The following PTPRG variants were observed in gnomAD, a reference collection of about 807,000 sequenced individuals.
PTPRG encodes the protein protein tyrosine phosphatase receptor type G.
PTPRG carries 102 observed loss-of-function variants against 165.3 expected under a neutral mutation model. The ratio of observed to expected loss-of-function variants is 0.62; its 90% CI spans 0.53 to 0.73. The LOEUF is 0.73. PTPRG is among the 30% of genes least tolerant of loss of function. The probability of loss-of-function intolerance (pLI) is 0.00; values close to 1 mark genes in which losing one functional copy is unlikely to be tolerated. For synonymous variants in PTPRG, 675 were observed against 669.5 expected, an observed-to-expected ratio of 1.01 and a Z score of -0.13; for missense variants, 1,866 against 1,861.4, an observed-to-expected ratio of 1.00 and a Z score of -0.05.
intron 4 of PTPRG, among the ~76,000 whole-genome samples, chr3:62,075,667 G>A (rs534836932): frequency 2.0e-5 from 3 of 152,248 alleles, no homozygotes; most frequent in Non-Finnish European, 2.9e-5. Context: ...AAGAAATGCC[G>A]TTGTATTCTT....
intron 28 of PTPRG, among the ~76,000 whole-genome samples, chr3:62,291,807 T>C (rs1286243202): frequency 1.3e-5 from 2 of 152,178 alleles, no homozygotes; most frequent in Non-Finnish European, 2.9e-5. Context: ...GATGGAAATT[T>C]ACTACCTTTC....
chr3:61,885,657 C>A (rs2038008504), intron 2 of PTPRG, among the ~76,000 whole-genome samples: 2 of 23,924 alleles, frequency 8.4e-5, no homozygotes, highest in Non-Finnish European at 3.2e-4. Context: ...TCTTTTCCTT[C>A]TCTCCTCTCC....
At chr3:61,970,702 T>A (rs2040363180) in intron 2 of PTPRG, among the ~76,000 whole-genome samples, 1 of 152,156 alleles carries the variant, frequency 6.6e-6, no homozygotes, top group Non-Finnish European at 1.5e-5. Flanking sequence ...CTTAAAAAAA[T>A]TCTAGGATCT....
At chr3:62,101,266 A>G (rs1270322293) in intron 5 of PTPRG, among the ~76,000 whole-genome samples, 1 of 152,206 alleles carries the variant, frequency 6.6e-6, no homozygotes, top group African/African-American at 2.4e-5. Flanking sequence ...TTGCATCACG[A>G]GATGCAGCAA....
At chr3:61,635,341 ATATAT>A (rs1415903594) in intron 1 of PTPRG, among the ~76,000 whole-genome samples, 2 of 148,202 alleles carry the variant, frequency 1.3e-5, no homozygotes, top group Non-Finnish European at 3.0e-5. Flanking sequence ...TAATTTATAT[ATATAT>A]TATATATATA....
At chr3:62,216,141 G>T (rs745361382) in intron 12 of PTPRG, among the ~76,000 whole-genome samples, 1 of 151,746 alleles carries the variant, frequency 6.6e-6, no homozygotes, top group Non-Finnish European at 1.5e-5. Flanking sequence ...TCGCTTGAGC[G>T]TGGGAGGCGG....
chr3:61,802,818 G>C (rs1010268969), intron 2 of PTPRG, among the ~76,000 whole-genome samples: 1 of 152,108 alleles, frequency 6.6e-6, no homozygotes, highest in Non-Finnish European at 1.5e-5. Context: ...TGGGGACTGT[G>C]AGGACCTGGA....
intron 1 of PTPRG, among the ~76,000 whole-genome samples, chr3:61,617,821 T>C (rs1050196092): frequency 2.6e-5 from 4 of 152,250 alleles, no homozygotes; most frequent in Non-Finnish European, 5.9e-5. Flanking sequence ...CTGCCTTCTA[T>C]ATCTTCTTTG....
chr3:61,648,443 A>AT (rs1394055235), intron 1 of PTPRG, among the ~76,000 whole-genome samples: 2 of 152,120 alleles, frequency 1.3e-5, no homozygotes, highest in African/African-American at 2.4e-5. Context: ...CAGGCTACAC[A>AT]TTTTCACCCG....
chr3:61,798,285 C>T (rs1420947749), intron 2 of PTPRG, among the ~76,000 whole-genome samples: 2 of 152,150 alleles, frequency 1.3e-5, no homozygotes, highest in Non-Finnish European at 1.5e-5. Context: ...AAAATACCAA[C>T]TCAGCATGTT....
intron 2 of PTPRG, among the ~76,000 whole-genome samples, chr3:61,951,361 A>G (rs1184035770): frequency 6.6e-6 from 1 of 152,182 alleles, no homozygotes; most frequent in African/African-American, 2.4e-5. Context: ...TAATAATCTC[A>G]TCCTTTCAAA....
chr3:61,869,557 C>T (rs532917270), intron 2 of PTPRG, among the ~76,000 whole-genome samples: 66 of 150,450 alleles, frequency 4.4e-4, no homozygotes, highest in African/African-American at 1.5e-3. Flanking sequence ...CATTCATTAA[C>T]CCTCCCCTCC....
intron 2 of PTPRG, among the ~76,000 whole-genome samples, chr3:61,835,425 C>T (rs1434379077): frequency 6.6e-6 from 1 of 152,120 alleles, no homozygotes; most frequent in Non-Finnish European, 1.5e-5. Flanking sequence ...CCTCTGCCTC[C>T]TGGATTCAAG....
intron 17 of PTPRG, among the ~76,000 whole-genome samples, chr3:62,266,696 T>G (rs1701885804): frequency 6.6e-6 from 1 of 151,664 alleles, no homozygotes; most frequent in Non-Finnish European, 1.5e-5. Flanking sequence ...TGATAATGAC[T>G]ATAAACAGAA....
intron 1 of PTPRG, among the ~76,000 whole-genome samples, chr3:61,604,405 C>G (rs1320898006): frequency 6.6e-6 from 1 of 152,228 alleles, no homozygotes; most frequent in Non-Finnish European, 1.5e-5. Flanking sequence ...CAACTTTTAA[C>G]TTCTGCCAGT....
At chr3:62,035,652 A>G (rs182548741) in intron 4 of PTPRG, among the ~76,000 whole-genome samples, 34 of 152,298 alleles carry the variant, frequency 2.2e-4, no homozygotes, top group African/African-American at 7.0e-4. Flanking sequence ...TACTCCTTCA[A>G]TTGCTTTATT....
chr3:62,279,247 G>A (rs900649110), intron 26 of PTPRG, among the ~76,000 whole-genome samples: 1 of 152,012 alleles, frequency 6.6e-6, no homozygotes, highest in African/African-American at 2.4e-5. Context: ...GGATATAGAT[G>A]CCCAGATATC....
rs751516543 is a variant in PTPRG at position 61,885,673 on chromosome 3, T to TCTCCC, written c.191-103948_191-103947insCCTCC. 3.6e-3 allele frequency among the ~76,000 whole-genome samples: 249 copies of TCTCCC among 69,714 alleles called. 1 individual carries two copies. Among genetic ancestry groups the TCTCCC allele is most frequent in the Non-Finnish European group, 6.9e-3 (209 of 30,076 alleles). The allele number at this position is 69,714 out of a possible 152,430, so 45.7% of individuals were successfully genotyped here. On this transcript the variant is annotated intron_variant, in intron 2 of 29. Coordinates refer to ENST00000474889, the MANE Select transcript of PTPRG (RefSeq NM_002841.4). The stretch of plus-strand genomic sequence containing the variant: ...CTTTTCCTTCTCTCCTCTCCTCTCC[T>TCTCCC]CTCCTCTCCTCTCCTCTCCTCTCCT...
Position 61,930,070 on chromosome 3 carries a change from C to A in PTPRG, c.191-59555C>A, listed in dbSNP as rs182477816. Among the ~76,000 whole-genome samples the A allele has an allele frequency of 4.2e-3, 626 of 147,440 alleles. 6 individuals carry two copies. Among genetic ancestry groups the A allele is most frequent in the African/African-American group, 0.012 (467 of 40,132 alleles). On this transcript the variant is annotated intron_variant, in intron 2 of 29. Coordinates refer to ENST00000474889, the MANE Select transcript of PTPRG (RefSeq NM_002841.4). ...TTTTTTTTTTTGCTTTTTACTCCTA[C>A]AAATTGCTTTTAAATTCTCTAAGAT... is the stretch of plus-strand genomic sequence containing the variant.
Sources: gnomAD v4.1 joint callset for allele counts (sites outside exome capture counted in the v4.1 genomes callset) on GRCh38, gnomAD v4.1.1 for gene constraint, MANE v1.5 for transcripts, NCBI Gene and HGNC (gene_info 2026-07-23, HGNC 2026-07-21) for gene names.